Variants in TBC1D5 observed in about 807,000 individuals in gnomAD.
The protein encoded by TBC1D5 is TBC1 domain family member 5, also known as TBC1 domain family, member 5.
In TBC1D5, 75 loss-of-function variants were observed where a neutral mutation model predicts 100.3. The ratio of observed to expected loss-of-function variants is 0.75; its 90% CI spans 0.62 to 0.91. The LOEUF (loss-of-function observed/expected upper bound fraction) is 0.91, where lower values mean the gene tolerates loss of function less well. Among genes scored for constraint, TBC1D5 ranks in the 40% least tolerant of loss-of-function variants. The probability of loss-of-function intolerance (pLI) is 0.00; values close to 1 mark genes in which losing one functional copy is unlikely to be tolerated. For missense variants in TBC1D5, 910 were observed against 942.4 expected (o/e 0.97, Z 0.45); for synonymous variants, 323 against 325.6 (o/e 0.99, Z 0.09).
intron 3 of TBC1D5, among the ~76,000 whole-genome samples, chr3:17,434,324 C>T (rs1346182400): frequency 6.6e-6 from 1 of 152,176 alleles, no homozygotes; most frequent in Non-Finnish European, 1.5e-5. Context: ...CAGGTGTTTC[C>T]ATATATCATC....
intron 2 of TBC1D5, among the ~76,000 whole-genome samples, chr3:17,556,357 A>G (rs1014208968): frequency 2.0e-5 from 3 of 152,170 alleles, no homozygotes; most frequent in Admixed American, 6.6e-5. Context: ...AGAAATTTCT[A>G]TTGGTTTAAA....
At chr3:17,284,632 C>G (rs573583195) in intron 15 of TBC1D5, among the ~76,000 whole-genome samples, 23 of 152,160 alleles carry the variant, frequency 1.5e-4, no homozygotes, top group Non-Finnish European at 3.4e-4. Flanking sequence ...TTTAAGGCCC[C>G]TAGGAAAACC....
At chr3:17,712,361 A>C (rs1302251815) in intron 1 of TBC1D5, among the ~76,000 whole-genome samples, 2 of 152,192 alleles carry the variant, frequency 1.3e-5, no homozygotes. Context: ...GCCAGGAATT[A>C]AGGCTATTGC....
Position 17,417,587 on chromosome 3 carries a change from A to G in TBC1D5, c.167+10863T>C, listed in dbSNP as rs545915030. Among the ~76,000 whole-genome samples, 3 of 152,220 alleles carry G rather than the reference A, an allele frequency of 2.0e-5. No individual in the cohort carries two copies. In the East Asian group the frequency reaches 5.8e-4, roughly 29 times the overall value. On this transcript the variant is annotated intron_variant, in intron 4 of 21. Transcript: ENST00000253692. ...GTGCCACATTTTCTTAATCCAGTCT[A>G]TCACTGTTGGACACTTGGGTTGGTT...
At chr3:17,291,969 G>C in exon 15 of TBC1D5, 1 of 1,613,822 alleles carries the variant, frequency 6.2e-7, no homozygotes, top group Non-Finnish European at 8.5e-7. Context: ...TGCATCAGAA[G>C]GCCGAGACAG....
At chr3:17,718,791 G>C (rs1184005524) in intron 1 of TBC1D5, among the ~76,000 whole-genome samples, 3 of 151,766 alleles carry the variant, frequency 2.0e-5, no homozygotes, top group African/African-American at 7.3e-5. Context: ...ATCTCTAATT[G>C]ATTTTTATAA....
At chr3:17,700,416 T>C (rs1193966166) in intron 1 of TBC1D5, among the ~76,000 whole-genome samples, 1 of 152,188 alleles carries the variant, frequency 6.6e-6, no homozygotes, top group Non-Finnish European at 1.5e-5. Flanking sequence ...GACATAGGCA[T>C]GGGCAAGGAC....
intron 13 of TBC1D5, among the ~76,000 whole-genome samples, chr3:17,333,619 G>A (rs2087207216): frequency 6.6e-6 from 1 of 152,140 alleles, no homozygotes; most frequent in African/African-American, 2.4e-5. Context: ...TCTTGGAAGG[G>A]AGCAGAGAGA....
intron 13 of TBC1D5, among the ~76,000 whole-genome samples, chr3:17,351,836 A>G (rs535036533): frequency 3.3e-5 from 5 of 151,690 alleles, no homozygotes; most frequent in Non-Finnish European, 5.9e-5. Context: ...GAGATTCCCT[A>G]GCACTACCTC....
chr3:17,178,318 G>A (rs1157395434), intron 19 of TBC1D5, among the ~76,000 whole-genome samples: 3 of 151,896 alleles, frequency 2.0e-5, no homozygotes, highest in African/African-American at 7.3e-5. Flanking sequence ...ACCCACCTCG[G>A]CCTCCCAAAG....
At chr3:17,686,647 G>C (rs760233027) in intron 1 of TBC1D5, among the ~76,000 whole-genome samples, 22 of 152,150 alleles carry the variant, frequency 1.4e-4, no homozygotes, top group Non-Finnish European at 2.9e-4. Flanking sequence ...TCAGTGGGAA[G>C]ATTCATTAAG....
chr3:17,440,353 C>T (rs1461027601), intron 3 of TBC1D5, among the ~76,000 whole-genome samples: 1 of 152,142 alleles, frequency 6.6e-6, no homozygotes, highest in Non-Finnish European at 1.5e-5. Context: ...AGGCCAGGCA[C>T]AGTGGCTCAC....
chr3:17,159,175 C>G (rs1322795084), exon 22 of TBC1D5: 1 of 60,556 alleles, frequency 1.7e-5, no homozygotes, highest in Non-Finnish European at 3.0e-5. Context: ...TGCTGTCTGG[C>G]AAAACCAGTT....
chr3:17,389,375 C>T (rs1037436611), intron 8 of TBC1D5, among the ~76,000 whole-genome samples: 1 of 152,088 alleles, frequency 6.6e-6, no homozygotes, highest in African/African-American at 2.4e-5. Flanking sequence ...AAGAGTCTGA[C>T]TCTCTTCCCT....
At chr3:17,299,271 G>C (rs1039587001) in intron 14 of TBC1D5, among the ~76,000 whole-genome samples, 2 of 152,136 alleles carry the variant, frequency 1.3e-5, no homozygotes, top group African/African-American at 4.8e-5. Context: ...AGAACAGAGT[G>C]GGGTGGCTAC....
In TBC1D5 at chr3:17,345,933, G is replaced by C. The variant is rs188447491; in HGVS notation, c.995+26142C>G. On this transcript the variant is annotated intron_variant, in intron 13 of 21. Transcript: ENST00000253692. ...GGGGACTGTTGTGGGGTGGGGAGAG[G>C]GGGGAGGGATAGCATTAGGAGATAT... Among the ~76,000 whole-genome samples the C allele has an allele frequency of 2.1e-4, 32 of 151,262 alleles. No individual in the cohort carries two copies. The East Asian group carries it at 4.7e-3, about 22-fold the overall frequency.
At chr3:17,632,773 G>A (rs758825178) in intron 1 of TBC1D5, among the ~76,000 whole-genome samples, 3 of 152,052 alleles carry the variant, frequency 2.0e-5, no homozygotes, top group Non-Finnish European at 2.9e-5. Flanking sequence ...AGGTATGTAC[G>A]TTGTTTTTTA....
intron 1 of TBC1D5, among the ~76,000 whole-genome samples, chr3:17,664,172 C>G (rs1403981856): frequency 6.6e-6 from 1 of 152,124 alleles, no homozygotes; most frequent in African/African-American, 2.4e-5. Context: ...CGGGTTCAAG[C>G]AATTCTCCTG....
At chr3:17,647,899 T>A (rs1321776586) in intron 1 of TBC1D5, among the ~76,000 whole-genome samples, 1 of 152,066 alleles carries the variant, frequency 6.6e-6, no homozygotes, top group East Asian at 1.9e-4. Context: ...GACAATGGTG[T>A]CTTGAAATGG....
Sources: allele counts gnomAD v4.1 joint callset (sites outside exome capture counted in the v4.1 genomes callset), GRCh38; gene constraint gnomAD v4.1.1; transcripts MANE v1.5; gene names NCBI Gene and HGNC (gene_info 2026-07-23, HGNC 2026-07-21).